Variants in RARB observed in about 807,000 individuals in gnomAD.
The protein encoded by RARB is retinoic acid receptor beta.
RARB carries 17 observed loss-of-function variants against 51.9 expected under a neutral mutation model. That is an observed-to-expected ratio of 0.33 (90% CI 0.22 to 0.49). The LOEUF (loss-of-function observed/expected upper bound fraction) is 0.49. Among genes scored for constraint, RARB ranks in the 20% least tolerant of loss-of-function variants. The pLI is 0.99. For synonymous variants in RARB, 215 were observed against 195.4 expected, an observed-to-expected ratio of 1.10 and a Z score of -0.84; for missense variants, 369 against 550.8, an observed-to-expected ratio of 0.67 and a Z score of 3.30.
intron 5 of RARB, among the ~76,000 whole-genome samples, chr3:25,255,894 T>G (rs1466245569): frequency 6.6e-6 from 1 of 152,186 alleles, no homozygotes; most frequent in Non-Finnish European, 1.5e-5. Context: ...TTATATTTAT[T>G]AATATGAAAT....
chr3:24,894,277 G>T (rs368863399), intron 2 of RARB, among the ~76,000 whole-genome samples: 5 of 47,630 alleles, frequency 1.0e-4, no homozygotes. Context: ...CCCCGCCCCC[G>T]CCCTGCCTCT....
At chr3:25,064,396 C>G (rs1248693950) in intron 3 of RARB, among the ~76,000 whole-genome samples, 1 of 152,034 alleles carries the variant, frequency 6.6e-6, no homozygotes, top group African/African-American at 2.4e-5. Flanking sequence ...AATATTCTTG[C>G]CAATGTCCAT....
At chr3:25,372,018 G>T (rs1706315089) in intron 5 of RARB, among the ~76,000 whole-genome samples, 1 of 152,162 alleles carries the variant, frequency 6.6e-6, no homozygotes, top group African/African-American at 2.4e-5. Context: ...ACTAAACTTG[G>T]CCTGTTGGAG....
At chr3:25,346,939 G>T (rs1213680816) in intron 5 of RARB, among the ~76,000 whole-genome samples, 2 of 152,224 alleles carry the variant, frequency 1.3e-5, no homozygotes, top group Admixed American at 6.5e-5. Context: ...AAGTTAGTAA[G>T]AGGATTGTTC....
chr3:25,459,402 G>A (rs746380086), intron 1 of RARB, among the ~76,000 whole-genome samples: 2 of 152,252 alleles, frequency 1.3e-5, no homozygotes, highest in Non-Finnish European at 2.9e-5. Flanking sequence ...AAATGATGCT[G>A]CTAAAATGCC....
At chr3:25,219,646 C>G (rs1701903851) in intron 5 of RARB, among the ~76,000 whole-genome samples, 1 of 152,158 alleles carries the variant, frequency 6.6e-6, no homozygotes, top group Admixed American at 6.5e-5. Context: ...AAGCCCAAAC[C>G]CCGTCTTATC....
At chr3:25,097,115 ACAAT>A (rs1699310505) in intron 3 of RARB, among the ~76,000 whole-genome samples, 2 of 152,292 alleles carry the variant, frequency 1.3e-5, no homozygotes, top group South Asian at 4.1e-4. Flanking sequence ...AGACTAGCAA[ACAAT>A]CAGAGACAGT....
chr3:25,167,999 T>G (rs1185950913), intron 4 of RARB, among the ~76,000 whole-genome samples: 1 of 152,174 alleles, frequency 6.6e-6, no homozygotes. Context: ...TTATATAACT[T>G]TTTATGAAAT....
intron 2 of RARB, among the ~76,000 whole-genome samples, chr3:24,995,537 C>T (rs921391680): frequency 6.6e-6 from 1 of 151,944 alleles, no homozygotes; most frequent in Admixed American, 6.6e-5. Flanking sequence ...GGCATTCTTA[C>T]GTTGTTTCAG....
At chr3:25,094,024 G>T (rs1391107952) in intron 3 of RARB, among the ~76,000 whole-genome samples, 1 of 152,150 alleles carries the variant, frequency 6.6e-6, no homozygotes, top group African/African-American at 2.4e-5. Flanking sequence ...AGAACAAAGT[G>T]CCTGAGGAGC....
At chr3:24,974,100 C>T (rs1273304786) in intron 2 of RARB, among the ~76,000 whole-genome samples, 1 of 151,878 alleles carries the variant, frequency 6.6e-6, no homozygotes, top group African/African-American at 2.4e-5. Flanking sequence ...TCATATATGG[C>T]CCTTATTATT....
At chr3:25,153,087 T>C (rs1180481578) in intron 4 of RARB, among the ~76,000 whole-genome samples, 1 of 152,164 alleles carries the variant, frequency 6.6e-6, no homozygotes. Flanking sequence ...GAATTCTTCA[T>C]TGCTTGTCCA....
At position 25,569,844 on chromosome 3, in the gene RARB, G is replaced by C; in HGVS notation, c.535G>C (p.Asp179His). The change falls in exon 4 of 8, where the codon GAT becomes CAT. Residue 179 changes from aspartate (D) to histidine (H), a missense_variant. By Grantham distance (81) the Asp-to-His change is moderately conservative (BLOSUM62 -1). Coordinates refer to ENST00000330688, the MANE Select transcript of RARB (RefSeq NM_000965.5). ...ESYEMTAELD[D>H]LTEKIRKAHQ... Reference sequence around the variant, plus strand: ...CTATGAAATGACAGCTGAGTTGGACGATCTCACAGAGAAGATCCGAAAAGC... The same window carrying C: ...CTATGAAATGACAGCTGAGTTGGACCATCTCACAGAGAAGATCCGAAAAGC... 1 of 1,614,164 alleles carries C rather than the reference G, an allele frequency of 6.2e-7. No individual in the cohort carries two copies. The highest frequency in any genetic ancestry group is 8.5e-7 in the Non-Finnish European group (1 of 1,180,008).
chr3:25,521,005 C>T (rs1439744949), intron 3 of RARB, among the ~76,000 whole-genome samples: 1 of 152,152 alleles, frequency 6.6e-6, no homozygotes, highest in Non-Finnish European at 1.5e-5. Context: ...AATAAAATAT[C>T]AAGAGTATCA....
intron 4 of RARB, among the ~76,000 whole-genome samples, 188 bp downstream of exon 4, chr3:25,570,106 C>A (rs563296763): frequency 6.6e-6 from 1 of 152,284 alleles, no homozygotes; most frequent in Admixed American, 6.5e-5. Flanking sequence ...AGCCTTTGGG[C>A]GTGGGCAATC....
intron 2 of RARB, chr3:25,020,603 C>G (rs199816994): frequency 2.0e-5 from 3 of 151,996 alleles, no homozygotes; most frequent in South Asian, 2.1e-4. Flanking sequence ...AAAGCCCTTT[C>G]TTTTTTTAAA....
At chr3:25,337,185 A>G (rs1705088787) in intron 5 of RARB, among the ~76,000 whole-genome samples, 1 of 152,144 alleles carries the variant, frequency 6.6e-6, no homozygotes, top group Non-Finnish European at 1.5e-5. Context: ...GTCAACCACT[A>G]TTACCACCAT....
chr3:25,350,503 C>T (rs1173087213), intron 5 of RARB, among the ~76,000 whole-genome samples: 1 of 152,198 alleles, frequency 6.6e-6, no homozygotes, highest in Non-Finnish European at 1.5e-5. Flanking sequence ...AAACACTCTT[C>T]TAGCTACTTT....
chr3:24,887,261 T>C (rs1362589841), intron 2 of RARB, among the ~76,000 whole-genome samples: 1 of 152,242 alleles, frequency 6.6e-6, no homozygotes, highest in Non-Finnish European at 1.5e-5. Flanking sequence ...AAGGATACTT[T>C]GATTACAATA....
Sources: allele counts gnomAD v4.1 joint callset (sites outside exome capture counted in the v4.1 genomes callset), GRCh38; gene constraint gnomAD v4.1.1; transcripts MANE v1.5; gene names NCBI Gene and HGNC (gene_info 2026-07-23, HGNC 2026-07-21).